The following DAAM1 variants were observed in gnomAD, a reference collection of about 807,000 sequenced individuals.
DAAM1 encodes disheveled-associated activator of morphogenesis 1.
In DAAM1, 52 loss-of-function variants were observed where a neutral mutation model predicts 130.0. The observed-to-expected ratio is 0.40, with a 90% CI of 0.32 to 0.50. DAAM1 has a LOEUF of 0.50. Among genes scored for constraint, DAAM1 ranks in the 20% least tolerant of loss-of-function variants. DAAM1 has a pLI of 0.61. For synonymous variants in DAAM1, 452 were observed against 444.5 expected (o/e 1.02, Z -0.21); for missense variants, 1,134 against 1,303.8 (o/e 0.87, Z 2.01).
rs564563476 is a variant in DAAM1 at position 59,366,548 on chromosome 14, G to T, written c.2827-881G>T. ...GAGTTTGCTATTAGTTTTATGTCTAGGGTGCTATACCCTACAATATTTTGT... is the reference window on the plus strand; with the variant it reads ...GAGTTTGCTATTAGTTTTATGTCTATGGTGCTATACCCTACAATATTTTGT... On this transcript the variant is annotated intron_variant, in intron 23 of 24. Transcript: ENST00000360909. Among the ~76,000 whole-genome samples the T allele has an allele frequency of 3.3e-5, 5 of 152,240 alleles. No individual in the cohort carries two copies. The South Asian group carries it at 1.0e-3, about 32-fold the overall frequency.
At chr14:59,192,774 C>T (rs188471376) in intron 1 of DAAM1, among the ~76,000 whole-genome samples, 121 of 152,332 alleles carry the variant, frequency 7.9e-4, no homozygotes, top group Admixed American at 4.0e-3. Context: ...AAAGTTTAGG[C>T]CGGGCGCGGT....
intron 16 of DAAM1, among the ~76,000 whole-genome samples, chr14:59,340,683 G>C (rs569583052): frequency 1.3e-5 from 2 of 152,264 alleles, no homozygotes; most frequent in East Asian, 3.9e-4. Context: ...AATTTATCCA[G>C]TTCAGCCCTG....
At chr14:59,196,776 A>T (rs1404983992) in intron 1 of DAAM1, among the ~76,000 whole-genome samples, 1 of 151,952 alleles carries the variant, frequency 6.6e-6, no homozygotes, top group East Asian at 1.9e-4. Flanking sequence ...AAAAAACAAA[A>T]CCCACAAAAA....
rs151181193 is a variant in DAAM1, at chr14:59,221,094, A to G, written c.-38+32326A>G. ...TAACCTCCAAATAAAGACAATGACA[A>G]GGTCATAATTCCACCTATCAAGGTA... On this transcript the variant is annotated intron_variant, in intron 1 of 24. Coordinates refer to ENST00000360909, the MANE Select transcript of DAAM1 (RefSeq NM_001270520.2). 2.2e-3 allele frequency among the ~76,000 whole-genome samples: 335 copies of G among 152,328 alleles called. 4 individuals carry two copies. Among genetic ancestry groups the G allele is most frequent in the African/African-American group, 7.5e-3 (310 of 41,570 alleles).
chr14:59,340,066 C>T lies in DAAM1; in HGVS notation c.1969-8C>T. The T allele has an allele frequency of 6.2e-7, 1 of 1,611,196 alleles. No individual in the cohort carries two copies. ...GACTTTGATGGATTTCTTTCATGCTCTTTACAGAAAGAAGCAGATGCCATT... is the reference window on the plus strand; with the variant it reads ...GACTTTGATGGATTTCTTTCATGCTTTTTACAGAAAGAAGCAGATGCCATT... On this transcript the variant is annotated splice_polypyrimidine_tract_variant and splice_region_variant and intron_variant, in intron 15 of 24. Coordinates refer to ENST00000360909, the MANE Select transcript of DAAM1 (RefSeq NM_001270520.2).
In DAAM1 at chr14:59,340,066, C is replaced by G; in HGVS notation, c.1969-8C>G. On this transcript the variant is annotated splice_polypyrimidine_tract_variant and splice_region_variant and intron_variant, in intron 15 of 24. Transcript: ENST00000360909. ...GACTTTGATGGATTTCTTTCATGCTCTTTACAGAAAGAAGCAGATGCCATT... is the reference window on the plus strand; with the variant it reads ...GACTTTGATGGATTTCTTTCATGCTGTTTACAGAAAGAAGCAGATGCCATT... The G allele has an allele frequency of 6.2e-7, 1 of 1,611,196 alleles. No individual in the cohort carries two copies. Among genetic ancestry groups the G allele is most frequent in the Non-Finnish European group, 8.5e-7 (1 of 1,177,928 alleles).
At chr14:59,309,979 G>C (rs536479500) in intron 3 of DAAM1, among the ~76,000 whole-genome samples, 22 of 152,122 alleles carry the variant, frequency 1.4e-4, no homozygotes, top group Non-Finnish European at 2.4e-4. Context: ...AACTATTTTG[G>C]CCTATCTGCC....
At chr14:59,313,180 T>C (rs1884657495) in intron 3 of DAAM1, among the ~76,000 whole-genome samples, 1 of 152,206 alleles carries the variant, frequency 6.6e-6, no homozygotes. Context: ...GAGAGAGTTT[T>C]GGTTCAGAGA....
chr14:59,232,274 A>C (rs1274553738), intron 1 of DAAM1, among the ~76,000 whole-genome samples: 1 of 152,180 alleles, frequency 6.6e-6, no homozygotes, highest in Non-Finnish European at 1.5e-5. Context: ...ACACCTCCAG[A>C]GAATATCGAA....
chr14:59,239,960 GT>G (rs1168492627), intron 1 of DAAM1, among the ~76,000 whole-genome samples: 3 of 152,134 alleles, frequency 2.0e-5, no homozygotes, highest in Admixed American at 2.0e-4. Flanking sequence ...GGCAAAATTT[GT>G]TTCCAAAATG....
At chr14:59,222,863 G>A (rs1360746630) in intron 1 of DAAM1, among the ~76,000 whole-genome samples, 2 of 152,162 alleles carry the variant, frequency 1.3e-5, no homozygotes, top group Non-Finnish European at 2.9e-5. Context: ...CCATGAATTG[G>A]GTATATAATT....
intron 19 of DAAM1, 43 bp downstream of exon 19, chr14:59,354,007 C>A: frequency 6.3e-7 from 1 of 1,578,064 alleles, no homozygotes; most frequent in Non-Finnish European, 8.7e-7. Context: ...TTCATCATTA[C>A]AACCCATTTA....
intron 1 of DAAM1, among the ~76,000 whole-genome samples, chr14:59,206,390 C>A (rs541042548): frequency 1.3e-5 from 2 of 152,310 alleles, no homozygotes; most frequent in East Asian, 3.9e-4. Context: ...ATTCTCCTGC[C>A]TCAGCCTCCT....
intron 2 of DAAM1, among the ~76,000 whole-genome samples, chr14:59,281,167 G>A (rs1442682245): frequency 6.6e-6 from 1 of 152,120 alleles, no homozygotes; most frequent in Non-Finnish European, 1.5e-5. Flanking sequence ...CACCCTCGGG[G>A]GGTTGCCTCA....
At chr14:59,348,849 G>A (rs998617959) in intron 17 of DAAM1, among the ~76,000 whole-genome samples, 1 of 152,096 alleles carries the variant, frequency 6.6e-6, no homozygotes, top group Non-Finnish European at 1.5e-5. Flanking sequence ...GACCAGCCCC[G>A]CCCCTGCAAC....
chr14:59,303,362 C>G (rs750347097), intron 3 of DAAM1, among the ~76,000 whole-genome samples: 2 of 152,206 alleles, frequency 1.3e-5, no homozygotes, highest in Non-Finnish European at 2.9e-5. Context: ...GCTATTCATT[C>G]TGGTTACCAC....
intron 1 of DAAM1, among the ~76,000 whole-genome samples, chr14:59,239,311 G>A: frequency 6.6e-6 from 1 of 151,944 alleles, no homozygotes; most frequent in Non-Finnish European, 1.5e-5. Flanking sequence ...ACCCAAATAG[G>A]GCCTCAAGTT....
intron 5 of DAAM1, among the ~76,000 whole-genome samples, chr14:59,322,288 G>T (rs1885040532): frequency 6.6e-6 from 1 of 152,038 alleles, no homozygotes; most frequent in Non-Finnish European, 1.5e-5. Flanking sequence ...GAGACAGGAG[G>T]TTTGCTTGAG....
chr14:59,293,975 G>T (rs529544060), intron 3 of DAAM1, among the ~76,000 whole-genome samples: 46 of 152,192 alleles, frequency 3.0e-4, no homozygotes, highest in African/African-American at 1.1e-3. Flanking sequence ...TTCAAATCAG[G>T]CTTATCACCA....
Sources: allele counts gnomAD v4.1 joint callset (sites outside exome capture counted in the v4.1 genomes callset), GRCh38; gene constraint gnomAD v4.1.1; transcripts MANE v1.5; gene names NCBI Gene and HGNC (gene_info 2026-07-23, HGNC 2026-07-21).